Variants in ATP10B observed in about 807,000 individuals in gnomAD.
The protein encoded by ATP10B is phospholipid-transporting ATPase VB.
ATP10B carries 122 observed loss-of-function variants against 141.2 expected under a neutral mutation model. The observed-to-expected ratio is 0.86, with a 90% CI of 0.75 to 1.00. The LOEUF is 1.00. ATP10B is among the 50% of genes least tolerant of loss of function. ATP10B has a pLI of 0.00. For missense variants in ATP10B, 1,876 were observed against 1,825.3 expected (o/e 1.03, Z -0.51); for synonymous variants, 685 against 692.0 (o/e 0.99, Z 0.16).
At chr5:160,844,093 A>G (rs1459627067) in intron 1 of ATP10B, among the ~76,000 whole-genome samples, 2 of 152,166 alleles carry the variant, frequency 1.3e-5, no homozygotes, top group Non-Finnish European at 2.9e-5. Context: ...GATACTCTCC[A>G]ACAACCATGG....
At chr5:160,813,270 G>C (rs542172877) in intron 1 of ATP10B, among the ~76,000 whole-genome samples, 2 of 152,194 alleles carry the variant, frequency 1.3e-5, no homozygotes. Context: ...CTGGAAAATC[G>C]GGTCACTCCC....
chr5:160,621,283 C>T (rs1316750171), intron 14 of ATP10B, among the ~76,000 whole-genome samples: 1 of 152,178 alleles, frequency 6.6e-6, no homozygotes, highest in Admixed American at 6.5e-5. Context: ...CTATCATCAA[C>T]CCAACTTATG....
chr5:160,827,577 A>T (rs1371565054), intron 1 of ATP10B, among the ~76,000 whole-genome samples: 1 of 152,120 alleles, frequency 6.6e-6, no homozygotes, highest in East Asian at 1.9e-4. Context: ...CAAATATTTT[A>T]TCCCATTCTG....
chr5:160,911,190 T>C, the ATP10B span, among the ~76,000 whole-genome samples: 1 of 152,222 alleles, frequency 6.6e-6, no homozygotes, highest in African/African-American at 2.4e-5. Context: ...TGGTCATAAC[T>C]AGCATAATCT....
rs1757773369 is a variant in ATP10B, at chr5:160,612,554, G to A, written c.2838+187C>T. 7 of 469,552 alleles carry A rather than the reference G, an allele frequency of 1.5e-5. No individual in the cohort carries two copies. In the East Asian group the frequency reaches 2.0e-4, roughly 13 times the overall value. 29.1% of individuals were successfully genotyped at this position (469,552 alleles called of 1,614,324 possible). On this transcript the variant is annotated intron_variant, in intron 18 of 25. Coordinates refer to ENST00000327245, the MANE Select transcript of ATP10B (RefSeq NM_025153.3). Reference sequence around the variant, plus strand: ...AAAGAGACCAGCTAGCCATGTGTGGGGATGAGATAAAGGATATTGGGCTGG... The same window carrying A: ...AAAGAGACCAGCTAGCCATGTGTGGAGATGAGATAAAGGATATTGGGCTGG...
At chr5:160,761,711 A>T (rs1419417274) in intron 2 of ATP10B, among the ~76,000 whole-genome samples, 1 of 152,238 alleles carries the variant, frequency 6.6e-6, no homozygotes, top group African/African-American at 2.4e-5. Flanking sequence ...CTAGCCCTCC[A>T]GCAATGAATC....
chr5:160,638,773 A>G (rs1162723867), intron 10 of ATP10B, among the ~76,000 whole-genome samples: 2 of 152,178 alleles, frequency 1.3e-5, no homozygotes, highest in East Asian at 3.9e-4. Context: ...TCGGGTCTGC[A>G]TATTTCTGGA....
chr5:160,800,695 T>C (rs983445686), intron 1 of ATP10B, among the ~76,000 whole-genome samples: 1 of 152,216 alleles, frequency 6.6e-6, no homozygotes, highest in African/African-American at 2.4e-5. Flanking sequence ...GCTAATATAA[T>C]TGGTTTCTTT....
chr5:160,877,220 C>T, the ATP10B span, among the ~76,000 whole-genome samples: 1 of 151,936 alleles, frequency 6.6e-6, no homozygotes, highest in Middle Eastern at 3.4e-3. Context: ...GGATGCAAGG[C>T]TGGTTCAATA....
At chr5:160,651,037 T>C (rs1388857112) in intron 7 of ATP10B, among the ~76,000 whole-genome samples, 1 of 152,178 alleles carries the variant, frequency 6.6e-6, no homozygotes, top group Non-Finnish European at 1.5e-5. Flanking sequence ...TAGAGCAAAA[T>C]AAATAGCATT....
Position 160,683,035 on chromosome 5 carries a change from TC to T in ATP10B, c.470+3043del, listed in dbSNP as rs147720108. Among the ~76,000 whole-genome samples the T allele has an allele frequency of 1.0e-3, 51 of 48,752 alleles. 1 individual carries two copies. Among genetic ancestry groups the T allele is most frequent in the African/African-American group, 4.2e-3 (48 of 11,464 alleles). 32.0% of individuals were successfully genotyped at this position (48,752 alleles called of 152,430 possible). The stretch of plus-strand genomic sequence containing the variant: ...GCCTGGGCGACAGACCAAGACTCTG[TC>T]CCCCAAAAAAAAAAAAAAAAAAAAA... On this transcript the variant is annotated intron_variant, in intron 6 of 25. Transcript: ENST00000327245.
intron 1 of ATP10B, among the ~76,000 whole-genome samples, chr5:160,797,766 G>A (rs1029372924): frequency 1.3e-5 from 2 of 151,826 alleles, no homozygotes; most frequent in Admixed American, 6.6e-5. Flanking sequence ...GAGAGAGAAA[G>A]CATTAACATG....
intron 25 of ATP10B, among the ~76,000 whole-genome samples, chr5:160,567,793 C>T (rs1408889141): frequency 6.6e-6 from 1 of 151,990 alleles, no homozygotes. Flanking sequence ...TCTTGGGAAG[C>T]CCTTGGAGGG....
In ATP10B at chr5:160,596,343, T is replaced by C. The variant is rs567952829; in HGVS notation, c.3564+2427A>G. Among the ~76,000 whole-genome samples, 310 of 151,672 alleles carry C rather than the reference T, an allele frequency of 2.0e-3. 1 individual carries two copies. The highest frequency in any genetic ancestry group is 3.5e-3 in the Non-Finnish European group (237 of 67,854). ...AAAGGCCTTTGACGAAATTCAACAA[T>C]GCTTCATGCTAAAAACTCTCAATAA... is the stretch of plus-strand genomic sequence containing the variant. On this transcript the variant is annotated intron_variant, in intron 22 of 25. Transcript: ENST00000327245.
chr5:160,733,195 T>C (rs986399029), intron 2 of ATP10B, among the ~76,000 whole-genome samples: 4 of 152,226 alleles, frequency 2.6e-5, no homozygotes, highest in Admixed American at 6.5e-5. Flanking sequence ...AATTTCTATG[T>C]CTTTTTTATT....
intron 1 of ATP10B, among the ~76,000 whole-genome samples, chr5:160,811,971 C>T (rs1773184485): frequency 6.6e-6 from 1 of 151,170 alleles, no homozygotes. Flanking sequence ...GTTACTCCAC[C>T]CCCAGCTCCA....
chr5:160,928,557 C>G, the ATP10B span, among the ~76,000 whole-genome samples: 1 of 152,122 alleles, frequency 6.6e-6, no homozygotes, highest in Non-Finnish European at 1.5e-5. Context: ...GTTAACTTCT[C>G]GGAGTCTCAC....
chr5:160,878,290 C>A, the ATP10B span, among the ~76,000 whole-genome samples: 1 of 151,724 alleles, frequency 6.6e-6, no homozygotes, highest in Non-Finnish European at 1.5e-5. Context: ...GGAAAGGATT[C>A]CCTATTTAAT....
chr5:160,920,548 T>C, the ATP10B span, among the ~76,000 whole-genome samples: 108 of 152,360 alleles, frequency 7.1e-4, 2 homozygotes, highest in Non-Finnish European at 1.3e-4. Context: ...ACATTGAGAA[T>C]TGAATCACAT....
Sources: gnomAD v4.1 joint callset for allele counts (sites outside exome capture counted in the v4.1 genomes callset) on GRCh38, gnomAD v4.1.1 for gene constraint, MANE v1.5 for transcripts, NCBI Gene and HGNC (gene_info 2026-07-23, HGNC 2026-07-21) for gene names.